The following BNC2 variants were observed in gnomAD, a reference collection of about 807,000 sequenced individuals.
The protein encoded by BNC2 is basonuclin zinc finger protein 2.
A neutral mutation model predicts 76.3 loss-of-function variants in BNC2; 20 were observed. That is an observed-to-expected ratio of 0.26 (90% CI 0.18 to 0.38). The LOEUF (loss-of-function observed/expected upper bound fraction) is 0.38, where lower values mean the gene tolerates loss of function less well. BNC2 is among the 10% of genes least tolerant of loss of function. The pLI, the probability that BNC2 is intolerant of heterozygous loss-of-function variation, is 1.00. For missense variants in BNC2, 1,382 were observed against 1,399.8 expected, an observed-to-expected ratio of 0.99 and a Z score of 0.20; for synonymous variants, 582 against 514.8, an observed-to-expected ratio of 1.13 and a Z score of -1.77.
At chr9:16,683,538 T>C (rs1456551600) in intron 3 of BNC2, among the ~76,000 whole-genome samples, 1 of 152,086 alleles carries the variant, frequency 6.6e-6, no homozygotes, top group Non-Finnish European at 1.5e-5. Flanking sequence ...GCAAGTCCTA[T>C]AGTGAGCTCC....
At chr9:16,525,081 G>C (rs1482112516) in intron 5 of BNC2, among the ~76,000 whole-genome samples, 1 of 145,398 alleles carries the variant, frequency 6.9e-6, no homozygotes, top group Non-Finnish European at 1.5e-5. Context: ...GGGGGAGGGG[G>C]GGGGAAGGAG....
Position 16,845,492 on chromosome 9 carries a change from C to T in BNC2, c.3+25154G>A, listed in dbSNP as rs539775780. Among the ~76,000 whole-genome samples, 66 of 152,080 alleles carry T rather than the reference C, an allele frequency of 4.3e-4. No homozygotes were observed. In the Middle Eastern group the frequency reaches 0.014, roughly 31 times the overall value. ...ATCCCAGCAATTTGGGAGGCCAAGG[C>T]GGGCGGATCACAAGGTCAGGAGATC... On this transcript the variant is annotated intron_variant, in intron 1 of 6. Coordinates refer to ENST00000380672, the MANE Select transcript of BNC2 (RefSeq NM_017637.6).
At chr9:16,574,271 A>G (rs1460417487) in intron 4 of BNC2, among the ~76,000 whole-genome samples, 1 of 152,220 alleles carries the variant, frequency 6.6e-6, no homozygotes, top group African/African-American at 2.4e-5. Context: ...ATAAAATGCA[A>G]TAAAATGATA....
intron 4 of BNC2, among the ~76,000 whole-genome samples, chr9:16,554,347 T>C (rs1054135184): frequency 1.3e-5 from 2 of 152,216 alleles, no homozygotes; most frequent in Admixed American, 6.5e-5. Flanking sequence ...AGAGTTCATG[T>C]ACTCTTGATA....
intron 4 of BNC2, among the ~76,000 whole-genome samples, chr9:16,568,046 T>TTTA (rs1819216032): frequency 6.6e-6 from 1 of 152,192 alleles, no homozygotes; most frequent in Non-Finnish European, 1.5e-5. Flanking sequence ...CTTATTCTTT[T>TTTA]ATTTTGGGAG....
intron 3 of BNC2, among the ~76,000 whole-genome samples, chr9:16,636,908 A>G (rs1289898788): frequency 6.6e-6 from 1 of 151,794 alleles, no homozygotes; most frequent in East Asian, 1.9e-4. Flanking sequence ...CATTTGTCCT[A>G]TATTATTCCA....
chr9:16,474,655 T>C (rs916684528), intron 5 of BNC2, among the ~76,000 whole-genome samples: 2 of 152,218 alleles, frequency 1.3e-5, no homozygotes, highest in East Asian at 3.8e-4. Flanking sequence ...ATTGCCTTAC[T>C]GACTCCTAGT....
intron 1 of BNC2, among the ~76,000 whole-genome samples, chr9:16,754,653 G>A (rs1288048528): frequency 1.3e-5 from 2 of 152,084 alleles, no homozygotes; most frequent in East Asian, 3.9e-4. Context: ...CACCTCCCAG[G>A]TTCAAGCGAT....
At chr9:16,817,719 C>A (rs1178993881) in intron 1 of BNC2, among the ~76,000 whole-genome samples, 1 of 152,092 alleles carries the variant, frequency 6.6e-6, no homozygotes, top group African/African-American at 2.4e-5. Context: ...GAAGTAGATC[C>A]AGGATTTACA....
intron 5 of BNC2, among the ~76,000 whole-genome samples, chr9:16,522,046 G>C (rs1563822976): frequency 6.6e-6 from 1 of 152,110 alleles, no homozygotes; most frequent in Non-Finnish European, 1.5e-5. Context: ...ACATTCCTCT[G>C]CTTGAGCTGA....
chr9:16,864,320 C>G (rs1307183418), intron 1 of BNC2, among the ~76,000 whole-genome samples: 1 of 152,084 alleles, frequency 6.6e-6, no homozygotes, highest in African/African-American at 2.4e-5. Flanking sequence ...GCTAATAGAT[C>G]CATTCATATA....
Position 16,708,645 on chromosome 9 carries a change from G to A in BNC2, c.330+19152C>T, listed in dbSNP as rs374188392. On this transcript the variant is annotated intron_variant, in intron 3 of 6. Coordinates refer to ENST00000380672, the MANE Select transcript of BNC2 (RefSeq NM_017637.6). ...GACAAAAGCAAGCCACAGGAAGGGC[G>A]GGGTGAGAGAGAAAAAGAAATAAGA... Among the ~76,000 whole-genome samples the A allele has an allele frequency of 6.2e-4, 95 of 152,066 alleles. 1 individual carries two copies. The highest frequency in any genetic ancestry group is 2.9e-4 in the Non-Finnish European group (20 of 68,030).
intron 1 of BNC2, among the ~76,000 whole-genome samples, chr9:16,775,999 G>A (rs1236025670): frequency 6.6e-6 from 1 of 152,140 alleles, no homozygotes; most frequent in Non-Finnish European, 1.5e-5. Context: ...TGCCTCAGCA[G>A]GACTGAGACC....
At chr9:16,425,281 C>T (rs926056340) in intron 6 of BNC2, among the ~76,000 whole-genome samples, 1 of 152,172 alleles carries the variant, frequency 6.6e-6, no homozygotes, top group African/African-American at 2.4e-5. Flanking sequence ...ATTTACTGCA[C>T]AGATACGGCA....
intron 1 of BNC2, among the ~76,000 whole-genome samples, chr9:16,798,078 T>A (rs1267439244): frequency 6.6e-6 from 1 of 152,216 alleles, no homozygotes; most frequent in Non-Finnish European, 1.5e-5. Context: ...GAATCCCTTT[T>A]GTTGATCTGG....
chr9:16,442,433 T>A (rs1821146500), intron 5 of BNC2, among the ~76,000 whole-genome samples: 1 of 152,242 alleles, frequency 6.6e-6, no homozygotes, highest in African/African-American at 2.4e-5. Flanking sequence ...TAAAACTTTT[T>A]GTTGTAGGAT....
At chr9:16,810,806 G>A (rs1167941300) in intron 1 of BNC2, among the ~76,000 whole-genome samples, 22 of 152,206 alleles carry the variant, frequency 1.4e-4, no homozygotes, top group Admixed American at 1.4e-3. Flanking sequence ...TGTAGACAAG[G>A]TGTTGCTAGA....
chr9:16,841,097 A>C (rs141504788), intron 1 of BNC2, among the ~76,000 whole-genome samples: 1 of 152,318 alleles, frequency 6.6e-6, no homozygotes, highest in Non-Finnish European at 1.5e-5. Context: ...GGCAGATAAA[A>C]AGGTCACAAA....
Position 16,823,660 on chromosome 9 carries a change from T to C in BNC2, c.3+46986A>G, listed in dbSNP as rs955562889. 7.3e-5 allele frequency among the ~76,000 whole-genome samples: 11 copies of C among 151,598 alleles called. 1 individual carries two copies. The highest frequency in any genetic ancestry group is 4.2e-4 in the South Asian group (2 of 4,808). On this transcript the variant is annotated intron_variant, in intron 1 of 6. Coordinates refer to ENST00000380672, the MANE Select transcript of BNC2 (RefSeq NM_017637.6). ...GTAACTTAACAAAAACAATTTAAAA[T>C]CTACTCAGAAAAATTTTGATTGCCT...
Sources: gnomAD v4.1 joint callset for allele counts (sites outside exome capture counted in the v4.1 genomes callset) on GRCh38, gnomAD v4.1.1 for gene constraint, MANE v1.5 for transcripts, NCBI Gene and HGNC (gene_info 2026-07-23, HGNC 2026-07-21) for gene names.